The following VTI1A variants were observed in gnomAD, a reference collection of about 807,000 sequenced individuals.
VTI1A encodes the protein vesicle transport through interaction with t-SNAREs homolog 1A.
VTI1A carries 22 observed loss-of-function variants against 34.9 expected under a neutral mutation model. The observed-to-expected ratio is 0.63, with a 90% CI of 0.45 to 0.90. VTI1A has a LOEUF of 0.90. VTI1A is among the 40% of genes least tolerant of loss of function. The pLI is 0.00. For synonymous variants in VTI1A, 87 were observed against 97.3 expected (o/e 0.89, Z 0.62); for missense variants, 268 against 275.6 (o/e 0.97, Z 0.20).
At position 112,800,705 on chromosome 10, in the gene VTI1A, T is replaced by C. The variant is rs74156816; in HGVS notation, c.561-14585T>C. Among the ~76,000 whole-genome samples, 1,458 of 152,332 alleles carry C rather than the reference T, an allele frequency of 9.6e-3. 24 individuals carry two copies. Among genetic ancestry groups the C allele is most frequent in the African/African-American group, 0.033 (1,376 of 41,574 alleles). ...TTCCTTATATTGGTACTGTTTTCTT[T>C]CATAGAGACCTGATGGTAGATTGTT... On this transcript the variant is annotated intron_variant, in intron 7 of 7. Coordinates refer to ENST00000393077, the MANE Select transcript of VTI1A (RefSeq NM_145206.4).
chr10:112,597,119 G>T (rs1348657911), intron 5 of VTI1A, among the ~76,000 whole-genome samples: 1 of 152,168 alleles, frequency 6.6e-6, no homozygotes, highest in African/African-American at 2.4e-5. Context: ...TGAACTGGAG[G>T]TTTGAGAATC....
chr10:112,848,013 A>G, the VTI1A span, among the ~76,000 whole-genome samples: 3 of 151,048 alleles, frequency 2.0e-5, no homozygotes, highest in Non-Finnish European at 4.4e-5. Context: ...GAATCATGAG[A>G]AAAAAAATAA....
intron 3 of VTI1A, among the ~76,000 whole-genome samples, chr10:112,466,954 A>G (rs990025043): frequency 1.3e-5 from 2 of 152,136 alleles, no homozygotes; most frequent in Non-Finnish European, 2.9e-5. Flanking sequence ...CCATGTCCCT[A>G]TTTCCTCATA....
chr10:112,641,965 C>T (rs547375273), intron 5 of VTI1A, among the ~76,000 whole-genome samples: 63 of 152,238 alleles, frequency 4.1e-4, no homozygotes, highest in Admixed American at 2.2e-3. Context: ...CTGATCGCAC[C>T]GTGTTAAGTC....
chr10:112,720,252 G>A (rs1849754855), intron 7 of VTI1A, among the ~76,000 whole-genome samples: 1 of 152,198 alleles, frequency 6.6e-6, no homozygotes. Context: ...TGGGTCATGT[G>A]GTAACTTTGC....
chr10:112,566,703 A>G (rs1028748151), intron 5 of VTI1A, among the ~76,000 whole-genome samples: 1 of 152,306 alleles, frequency 6.6e-6, no homozygotes, highest in Admixed American at 6.5e-5. Flanking sequence ...TTATGAAAGT[A>G]TTTTAGTATT....
intron 5 of VTI1A, among the ~76,000 whole-genome samples, chr10:112,563,901 A>G (rs1851814789): frequency 1.3e-5 from 2 of 152,168 alleles, no homozygotes; most frequent in South Asian, 4.1e-4. Context: ...ATTTCTTTTC[A>G]TGGCAAGGTA....
chr10:112,738,214 C>T (rs1850567724), intron 7 of VTI1A, among the ~76,000 whole-genome samples: 1 of 152,168 alleles, frequency 6.6e-6, no homozygotes, highest in South Asian at 2.1e-4. Context: ...TGGCGAGCAC[C>T]CCTAACGTTC....
rs1312356414 is a variant in VTI1A, at chr10:112,816,467, A to G, written c.*1084A>G. On this transcript the variant is annotated 3_prime_UTR_variant, in exon 8 of 8. Transcript: ENST00000393077. ...TCCAAAAGGAATGGCTTGGGTTTTT[A>G]ACTAACAAATGTTAGCAAGCCTTTC... 1 of 224,470 alleles carries G rather than the reference A, an allele frequency of 4.5e-6. No individual in the cohort carries two copies. Among genetic ancestry groups the G allele is most frequent in the Non-Finnish European group, 8.9e-6 (1 of 112,660 alleles). The allele number at this position is 224,470 out of a possible 1,614,324, so 13.9% of individuals were successfully genotyped here.
intron 5 of VTI1A, among the ~76,000 whole-genome samples, chr10:112,630,525 T>C (rs931110852): frequency 1.3e-5 from 2 of 152,240 alleles, no homozygotes; most frequent in African/African-American, 4.8e-5. Flanking sequence ...TAGTACTCCA[T>C]GTTTCACATA....
At chr10:112,783,889 G>A (rs899259038) in intron 7 of VTI1A, among the ~76,000 whole-genome samples, 7 of 152,164 alleles carry the variant, frequency 4.6e-5, no homozygotes, top group African/African-American at 1.2e-4. Flanking sequence ...TGCCGAACAA[G>A]CACATTCCTG....
intron 7 of VTI1A, among the ~76,000 whole-genome samples, chr10:112,747,213 A>T (rs930071254): frequency 4.6e-5 from 7 of 152,238 alleles, no homozygotes; most frequent in African/African-American, 1.4e-4. Flanking sequence ...ACACTCTCTG[A>T]ATGTTACCTG....
Position 112,527,166 on chromosome 10 carries a change from T to G in VTI1A, c.342+2T>G. On this transcript the variant is annotated splice_donor_variant, in intron 4 of 7. Coordinates refer to ENST00000393077, the MANE Select transcript of VTI1A (RefSeq NM_145206.4). LOFTEE classifies it high-confidence loss of function. ...GATGGGAATTCCTCAGAGAACCAGG[T>G]AGAATGCTAATCAGGAAGGCCCGGT... 6.2e-7 allele frequency: 1 copy of G among 1,612,960 alleles called. No individual in the cohort carries two copies. The highest frequency in any genetic ancestry group is 8.5e-7 in the Non-Finnish European group (1 of 1,179,438).
At chr10:112,697,314 C>G (rs1403496084) in intron 7 of VTI1A, among the ~76,000 whole-genome samples, 1 of 151,730 alleles carries the variant, frequency 6.6e-6, no homozygotes, top group Admixed American at 6.6e-5. Context: ...TTGCCTCAGC[C>G]TCCCAAGTAG....
intron 7 of VTI1A, among the ~76,000 whole-genome samples, chr10:112,811,181 T>C (rs1430734794): frequency 6.6e-6 from 1 of 152,136 alleles, no homozygotes; most frequent in Non-Finnish European, 1.5e-5. Context: ...AGTGGCCCTT[T>C]ACATAATGAC....
In VTI1A at chr10:112,668,298, A is replaced by G. The variant is rs781010892; in HGVS notation, c.498+10A>G. On this transcript the variant is annotated intron_variant, in intron 6 of 7. Transcript: ENST00000393077. ...GCGAGCACGTGAAAGAGTAAGTACA[A>G]TTGATACAGTTTTTTCACATATTCA... is the stretch of plus-strand genomic sequence containing the variant. 1 of 1,611,162 alleles carries G rather than the reference A, an allele frequency of 6.2e-7. No homozygotes were observed. The highest frequency in any genetic ancestry group is 1.3e-5 in the African/African-American group (1 of 74,930).
chr10:112,694,239 G>A (rs1339566243), intron 7 of VTI1A, among the ~76,000 whole-genome samples: 2 of 151,946 alleles, frequency 1.3e-5, no homozygotes, highest in African/African-American at 4.8e-5. Flanking sequence ...TTTTAATCTG[G>A]ACTGCCCTTC....
chr10:112,590,119 C>T (rs944935048), intron 5 of VTI1A, among the ~76,000 whole-genome samples: 14 of 152,080 alleles, frequency 9.2e-5, no homozygotes, highest in South Asian at 2.1e-4. Context: ...GATGTTTTTA[C>T]CCTGATCTCT....
chr10:112,707,870 C>CA (rs1209911740), intron 7 of VTI1A, among the ~76,000 whole-genome samples: 2 of 152,146 alleles, frequency 1.3e-5, no homozygotes, highest in Non-Finnish European at 2.9e-5. Flanking sequence ...CTATAAAAGT[C>CA]TGTTTGGTTC....
Sources: gnomAD v4.1 joint callset for allele counts (sites outside exome capture counted in the v4.1 genomes callset) on GRCh38, gnomAD v4.1.1 for gene constraint, MANE v1.5 for transcripts, NCBI Gene and HGNC (gene_info 2026-07-23, HGNC 2026-07-21) for gene names.